Variants in ISX observed in about 807,000 individuals in gnomAD.
ISX encodes the protein intestine-specific homeobox.
Under a neutral mutation model 16.9 loss-of-function variants are expected in ISX, and 15 were observed. That is an observed-to-expected ratio of 0.89 (90% CI 0.59 to 1.36). ISX has a LOEUF of 1.36. ISX is among the 40% of genes most tolerant of loss of function. ISX has a pLI of 0.00. For missense variants in ISX, 316 were observed against 306.1 expected (o/e 1.03, Z -0.24); for synonymous variants, 125 against 119.7 (o/e 1.04, Z -0.29).
Position 35,082,633 on chromosome 22 carries a change from G to A in ISX, c.345G>A (p.Leu115=). 6.2e-7 allele frequency: 1 copy of A among 1,614,156 alleles called. No individual in the cohort carries two copies. Among genetic ancestry groups the A allele is most frequent in the Non-Finnish European group, 8.5e-7 (1 of 1,180,030 alleles). ...CAGACGTTCACATCCGCAGCCAGCT[G>A]GCAGCCAGGATCAACCTCCCAGAAG... ...HYPDVHIRSQ[L]AARINLPEAR... Residue 115 remains leucine, a synonymous_variant, in exon 3 of 5, where the codon CTG becomes CTA. Transcript: ENST00000404699.
At chr22:35,069,248 C>T (rs1231111846) in intron 2 of ISX, among the ~76,000 whole-genome samples, 2 of 152,094 alleles carry the variant, frequency 1.3e-5, no homozygotes, top group African/African-American at 4.8e-5. Context: ...AAATGCTAAA[C>T]AAATAATACA....
At chr22:35,083,550 C>T (rs898174079) in intron 3 of ISX, among the ~76,000 whole-genome samples, 27 of 152,348 alleles carry the variant, frequency 1.8e-4, no homozygotes, top group South Asian at 6.2e-4. Flanking sequence ...CCCTAGCACA[C>T]GACGTTCCAC....
intron 3 of ISX, 63 bp from the exon 4 acceptor site, chr22:35,084,320 G>A (rs1050573466): frequency 2.0e-5 from 21 of 1,030,080 alleles, no homozygotes; most frequent in South Asian, 2.8e-5. Flanking sequence ...TATGAATTTG[G>A]GGGAAGTGGT....
rs1332753912 is a variant in ISX at position 35,082,661 on chromosome 22, C to T, written c.373C>T (p.Arg125Trp). Residue 125 changes from arginine to tryptophan, a missense_variant, in exon 3 of 5, where the codon CGG (arginine) becomes TGG (tryptophan). Coordinates refer to ENST00000404699, the MANE Select transcript of ISX (RefSeq NM_001303508.2). ...AGCCAGGATCAACCTCCCAGAAGCTCGGGTGCAGGTACAGCCATCCCTACC... is the reference window on the plus strand; with the variant it reads ...AGCCAGGATCAACCTCCCAGAAGCTTGGGTGCAGGTACAGCCATCCCTACC... The part of the protein sequence containing the change: ...LAARINLPEA[R>W]VQIWFQNQRA... 3.7e-6 allele frequency: 6 copies of T among 1,613,976 alleles called. No homozygotes were observed. The highest frequency in any genetic ancestry group is 3.3e-5 in the Admixed American group (2 of 60,012).
chr22:35,082,715 C>A (rs754436127), intron 3 of ISX, 46 bp downstream of exon 3: 3 of 1,602,958 alleles, frequency 1.9e-6, no homozygotes, highest in South Asian at 2.2e-5. Flanking sequence ...GCCCTTGGGA[C>A]CATGTGTGAG....
chr22:35,072,952 C>T (rs1046240741), intron 2 of ISX, among the ~76,000 whole-genome samples: 6 of 152,122 alleles, frequency 3.9e-5, no homozygotes, highest in African/African-American at 9.7e-5. Flanking sequence ...TTTATGTCCA[C>T]GGTGGTTCAC....
intron 2 of ISX, among the ~76,000 whole-genome samples, chr22:35,079,569 C>A (rs1031236985): frequency 6.6e-6 from 1 of 152,168 alleles, no homozygotes; most frequent in East Asian, 1.9e-4. Context: ...AGCAGACATA[C>A]GAGGCTCCCT....
intron 2 of ISX, among the ~76,000 whole-genome samples, chr22:35,080,310 TC>T (rs1209700416): frequency 6.6e-6 from 1 of 152,158 alleles, no homozygotes; most frequent in African/African-American, 2.4e-5. Context: ...AGTCCTCAGT[TC>T]CCCTTTGAGC....
intron 2 of ISX, among the ~76,000 whole-genome samples, chr22:35,079,794 C>T (rs1282394407): frequency 6.6e-6 from 1 of 152,148 alleles, no homozygotes; most frequent in Non-Finnish European, 1.5e-5. Flanking sequence ...TCTACAATCC[C>T]TAAAATCACA....
At chr22:35,075,095 T>C (rs911352504) in intron 2 of ISX, among the ~76,000 whole-genome samples, 79 of 152,270 alleles carry the variant, frequency 5.2e-4, no homozygotes, top group African/African-American at 1.7e-3. Context: ...AACAAAGTGC[T>C]TTAGAACACA....
intron 2 of ISX, among the ~76,000 whole-genome samples, chr22:35,068,928 T>C (rs1928776313): frequency 6.6e-6 from 1 of 152,216 alleles, no homozygotes; most frequent in African/African-American, 2.4e-5. Context: ...TAATGAGCAC[T>C]AGAATTGAAC....
At chr22:35,081,766 T>TG (rs1929128334) in intron 2 of ISX, among the ~76,000 whole-genome samples, 1 of 152,254 alleles carries the variant, frequency 6.6e-6, no homozygotes, top group South Asian at 2.1e-4. Flanking sequence ...AGTATGCTTA[T>TG]GCTCTTTGAG....
At chr22:35,070,619 G>A (rs571176733) in intron 2 of ISX, among the ~76,000 whole-genome samples, 3 of 152,322 alleles carry the variant, frequency 2.0e-5, no homozygotes, top group East Asian at 3.9e-4. Flanking sequence ...TTCAGTCAGT[G>A]ACTAATCACT....
chr22:35,068,383 C>T (rs1334571758), intron 2 of ISX, among the ~76,000 whole-genome samples: 1 of 152,172 alleles, frequency 6.6e-6, no homozygotes, highest in East Asian at 1.9e-4. Context: ...CACTCAGCTG[C>T]AGGCATGAGG....
chr22:35,080,255 C>T (rs1929093886), intron 2 of ISX, among the ~76,000 whole-genome samples: 1 of 152,234 alleles, frequency 6.6e-6, no homozygotes, highest in African/African-American at 2.4e-5. Flanking sequence ...ATTCCCATGA[C>T]TACAAAGGCT....
intron 2 of ISX, among the ~76,000 whole-genome samples, chr22:35,080,627 C>A (rs1929102273): frequency 6.6e-6 from 1 of 152,210 alleles, no homozygotes; most frequent in Admixed American, 6.5e-5. Context: ...TGATGGAGCT[C>A]ATCCTACTAA....
chr22:35,067,378 C>CA (rs1928732745), intron 2 of ISX, 62 bp downstream of exon 2: 1 of 1,212,856 alleles, frequency 8.2e-7, no homozygotes, highest in African/African-American at 1.5e-5. Context: ...TGGGCTCAGG[C>CA]AGAGAAAAAG....
At chr22:35,075,326 A>AGAGGT (rs1366679552) in intron 2 of ISX, among the ~76,000 whole-genome samples, 7 of 152,242 alleles carry the variant, frequency 4.6e-5, no homozygotes, top group Non-Finnish European at 8.8e-5. Context: ...AAGAGATGAA[A>AGAGGT]GAGGTAAGGT....
Position 35,085,746 on chromosome 22 carries a change from G to C in ISX, c.*53G>C. The stretch of plus-strand genomic sequence containing the variant: ...CCACTTTCCTCTCCAGGTGAAGGCA[G>C]GTAGCAGATGTGCCCTGGGCCTCTG... On this transcript the variant is annotated 3_prime_UTR_variant, in exon 5 of 5. Coordinates refer to ENST00000404699, the MANE Select transcript of ISX (RefSeq NM_001303508.2). The C allele has an allele frequency of 1.2e-6, 2 of 1,610,018 alleles. No homozygotes were observed. Among genetic ancestry groups the C allele is most frequent in the Non-Finnish European group, 1.7e-6 (2 of 1,176,714 alleles).
Sources: gnomAD v4.1 joint callset for allele counts (sites outside exome capture counted in the v4.1 genomes callset) on GRCh38, gnomAD v4.1.1 for gene constraint, MANE v1.5 for transcripts, NCBI Gene and HGNC (gene_info 2026-07-23, HGNC 2026-07-21) for gene names.